PIGK: variants seen among roughly 807,000 people sequenced by gnomAD.
The protein encoded by PIGK is GPI-anchor transamidase.
In PIGK, 42 loss-of-function variants were observed where a neutral mutation model predicts 50.6. The observed-to-expected ratio is 0.83, with a 90% CI of 0.65 to 1.07. The LOEUF (loss-of-function observed/expected upper bound fraction) is 1.07, where lower values mean the gene tolerates loss of function less well. Ranked by LOEUF, PIGK falls within the 50% of genes least tolerant of loss-of-function variation. The probability of loss-of-function intolerance (pLI) is 0.00; values close to 1 mark genes in which losing one functional copy is unlikely to be tolerated. For synonymous variants in PIGK, 151 were observed against 156.0 expected (o/e 0.97, Z 0.24); for missense variants, 448 against 488.7 (o/e 0.92, Z 0.78).
intron 10 of PIGK, among the ~76,000 whole-genome samples, chr1:77,092,892 C>G (rs1274049655): frequency 6.6e-6 from 1 of 152,054 alleles, no homozygotes; most frequent in East Asian, 1.9e-4. Context: ...ATTCCCAGCA[C>G]CAACCTGCCA....
intron 1 of PIGK, among the ~76,000 whole-genome samples, chr1:77,215,112 T>C (rs1656523333): frequency 6.6e-6 from 1 of 152,116 alleles, no homozygotes; most frequent in South Asian, 2.1e-4. Flanking sequence ...TCTATCAAAA[T>C]ACCAATGATA....
chr1:77,103,186 A>G (rs1392539012), intron 10 of PIGK, among the ~76,000 whole-genome samples: 1 of 152,212 alleles, frequency 6.6e-6, no homozygotes, highest in African/African-American at 2.4e-5. Flanking sequence ...GATGTTGGCT[A>G]TGGTGGCATC....
chr1:77,094,409 G>C (rs2100505976), intron 10 of PIGK, among the ~76,000 whole-genome samples: 1 of 152,238 alleles, frequency 6.6e-6, no homozygotes, highest in South Asian at 2.1e-4. Flanking sequence ...AGGAGAACAG[G>C]CTATAGACAA....
intron 10 of PIGK, among the ~76,000 whole-genome samples, chr1:77,118,179 T>C (rs2100525551): frequency 6.6e-6 from 1 of 152,326 alleles, no homozygotes; most frequent in Non-Finnish European, 1.5e-5. Context: ...GAGCTCTTTA[T>C]ATATGAAGGT....
intron 3 of PIGK, among the ~76,000 whole-genome samples, chr1:77,176,070 T>C (rs1481455954): frequency 2.0e-5 from 3 of 152,218 alleles, no homozygotes; most frequent in Middle Eastern, 3.4e-3. Context: ...AAAAGACAGA[T>C]GGTTTGGAAA....
intron 10 of PIGK, among the ~76,000 whole-genome samples, chr1:77,093,866 T>C (rs1163578344): frequency 2.0e-5 from 3 of 152,250 alleles, no homozygotes; most frequent in African/African-American, 7.2e-5. Flanking sequence ...TCGGTGGTTC[T>C]CAAACCATTT....
intron 3 of PIGK, among the ~76,000 whole-genome samples, chr1:77,180,792 A>G (rs1655594284): frequency 6.6e-6 from 1 of 152,136 alleles, no homozygotes; most frequent in African/African-American, 2.4e-5. Flanking sequence ...TAGCCTTTCC[A>G]AAGGAGGCAA....
chr1:77,104,816 G>A (rs1653628375), intron 10 of PIGK, among the ~76,000 whole-genome samples: 1 of 152,162 alleles, frequency 6.6e-6, no homozygotes, highest in Non-Finnish European at 1.5e-5. Flanking sequence ...CTCCATGCAA[G>A]GCCAACAGCA....
rs1300145032 is a variant in PIGK, at chr1:77,091,316, G to T, written c.*1058C>A. 6.6e-6 allele frequency: 1 copy of T among 152,160 alleles called. No homozygotes were observed. Among genetic ancestry groups the T allele is most frequent in the East Asian group, 1.9e-4 (1 of 5,202 alleles). 9.4% of individuals were successfully genotyped at this position (152,160 alleles called of 1,614,324 possible). ...GGATATGAGCTCTTGCATCTTACCAGAGACTAGAAAAGGGGCTTACTGCCT... is the reference window on the plus strand; with the variant it reads ...GGATATGAGCTCTTGCATCTTACCATAGACTAGAAAAGGGGCTTACTGCCT... On this transcript the variant is annotated 3_prime_UTR_variant, in exon 11 of 11. Coordinates refer to ENST00000370812, the MANE Select transcript of PIGK (RefSeq NM_005482.3).
chr1:77,193,795 C>T (rs986750150), intron 3 of PIGK, among the ~76,000 whole-genome samples: 6 of 152,054 alleles, frequency 3.9e-5, no homozygotes, highest in Admixed American at 1.3e-4. Flanking sequence ...GATTTCATGA[C>T]GCAGATACCA....
chr1:77,158,597 G>A (rs1204136621), intron 8 of PIGK, among the ~76,000 whole-genome samples: 1 of 152,140 alleles, frequency 6.6e-6, no homozygotes, highest in African/African-American at 2.4e-5. Context: ...GACTCAGATG[G>A]AGATGAGGAA....
Position 77,154,584 on chromosome 1 carries a change from G to C in PIGK, c.851C>G (p.Pro284Arg). 1.2e-5 allele frequency: 20 copies of C among 1,612,664 alleles called. No individual in the cohort carries two copies. Among genetic ancestry groups the C allele is most frequent in the Non-Finnish European group, 1.6e-5 (19 of 1,179,024 alleles). The change falls in exon 9 of 11, where the codon CCT becomes CGT. Residue 284 changes from proline (P) to arginine (R), a missense_variant. Coordinates refer to ENST00000370812, the MANE Select transcript of PIGK (RefSeq NM_005482.3). ...VCPKSLCVST[P>R]GHRTDLFQRD... Reference sequence around the variant, plus strand: ...CTGAAAAAGATCAGTGCGATGTCCAGGAGTAGACACACACAGACTTTTGGG... The same window carrying C: ...CTGAAAAAGATCAGTGCGATGTCCACGAGTAGACACACACAGACTTTTGGG...
intron 9 of PIGK, among the ~76,000 whole-genome samples, chr1:77,145,910 G>A (rs1214528757): frequency 6.6e-6 from 1 of 151,754 alleles, no homozygotes; most frequent in African/African-American, 2.4e-5. Context: ...TTTGACAAAG[G>A]GATCAACATA....
chr1:77,136,892 A>G (rs1654531498), intron 9 of PIGK, among the ~76,000 whole-genome samples: 1 of 152,082 alleles, frequency 6.6e-6, no homozygotes, highest in African/African-American at 2.4e-5. Context: ...ATTTCTTTAG[A>G]TCTATCTTAT....
intron 10 of PIGK, among the ~76,000 whole-genome samples, chr1:77,114,611 T>C (rs970725069): frequency 2.6e-5 from 4 of 152,108 alleles, no homozygotes. Flanking sequence ...AACTTAAAAG[T>C]TGATGATAAT....
intron 9 of PIGK, among the ~76,000 whole-genome samples, chr1:77,148,784 G>T (rs182233220): frequency 6.1e-4 from 93 of 151,224 alleles, no homozygotes; most frequent in African/African-American, 2.1e-3. Context: ...GCGCGATCTC[G>T]GCTTACTGCA....
chr1:77,180,635 CAT>C (rs1655589505), intron 3 of PIGK, among the ~76,000 whole-genome samples: 1 of 126,740 alleles, frequency 7.9e-6, no homozygotes, highest in African/African-American at 3.0e-5. Context: ...TTTAGGGAAA[CAT>C]AAGACATCAA....
rs190619794 is a variant in PIGK at position 77,194,976 on chromosome 1, A to G, written c.239+11664T>C. On this transcript the variant is annotated intron_variant, in intron 3 of 10. Coordinates refer to ENST00000370812, the MANE Select transcript of PIGK (RefSeq NM_005482.3). The stretch of plus-strand genomic sequence containing the variant: ...CTCCTGCTTAAGTGTGGAGCAGAGG[A>G]TCACGTGGAAGCAGTGAAAAAGCTC... 367 of 636,820 alleles carry G rather than the reference A, an allele frequency of 5.8e-4. No individual in the cohort carries two copies. The African/African-American group carries it at 6.1e-3, about 11-fold the overall frequency. The allele number at this position is 636,820 out of a possible 1,614,324, so 39.4% of individuals were successfully genotyped here. A position where few individuals can be genotyped will look rare whatever the true frequency, so the allele number is the denominator to read the frequency against.
chr1:77,110,755 C>G (rs540664496), intron 10 of PIGK, among the ~76,000 whole-genome samples: 101 of 152,214 alleles, frequency 6.6e-4, no homozygotes, highest in African/African-American at 2.3e-3. Flanking sequence ...CAAAAATTGA[C>G]AAATGGGATC....
Sources: allele counts gnomAD v4.1 joint callset (sites outside exome capture counted in the v4.1 genomes callset), GRCh38; gene constraint gnomAD v4.1.1; transcripts MANE v1.5; gene names NCBI Gene and HGNC (gene_info 2026-07-23, HGNC 2026-07-21).